Variants in ANK2 observed in about 807,000 individuals in gnomAD.
The protein encoded by ANK2 is ankyrin 2, also known as ankyrin-2.
ANK2 carries 83 observed loss-of-function variants against 360.5 expected under a neutral mutation model. The ratio of observed to expected loss-of-function variants is 0.23; its 90% CI spans 0.19 to 0.28. The LOEUF (loss-of-function observed/expected upper bound fraction) is 0.28. Ranked by LOEUF, ANK2 falls within the 10% of genes least tolerant of loss-of-function variation. The probability of loss-of-function intolerance (pLI) is 1.00; values close to 1 mark genes in which losing one functional copy is unlikely to be tolerated. For missense variants in ANK2, 4,201 were observed against 4,795.7 expected (o/e 0.88, Z 3.66); for synonymous variants, 1,740 against 1,759.5 (o/e 0.99, Z 0.28).
intron 2 of ANK2, among the ~76,000 whole-genome samples, chr4:112,989,620 G>A (rs1422453616): frequency 1.3e-5 from 2 of 152,148 alleles, no homozygotes; most frequent in Non-Finnish European, 2.9e-5. Flanking sequence ...TAAATTAATG[G>A]TTTCAGAAAA....
intron 9 of ANK2, among the ~76,000 whole-genome samples, chr4:113,245,405 G>A (rs762018946): frequency 6.6e-6 from 1 of 152,182 alleles, no homozygotes; most frequent in Non-Finnish European, 1.5e-5. Context: ...CCGAGATTGG[G>A]TAATTTATAA....
chr4:112,892,892 G>A (rs561754702), intron 1 of ANK2, among the ~76,000 whole-genome samples: 19 of 152,192 alleles, frequency 1.2e-4, no homozygotes, highest in Non-Finnish European at 2.6e-4. Context: ...TTCTTAAGCT[G>A]TTGCTTTTAG....
chr4:113,380,533 A>G (rs4834333), intron 45 of ANK2, among the ~76,000 whole-genome samples: 38,753 of 152,034 alleles, frequency 0.25, 7,711 homozygotes, highest in African/African-American at 0.56. Context: ...GTGGTGGCAC[A>G]CACCTGTAGT....
intron 1 of ANK2, among the ~76,000 whole-genome samples, chr4:113,155,396 C>T (rs1264960990): frequency 6.6e-6 from 1 of 152,076 alleles, no homozygotes; most frequent in Non-Finnish European, 1.5e-5. Flanking sequence ...GTTCTAAGTC[C>T]ATTTTATAAT....
At chr4:113,370,734 T>C (rs1163245157) in intron 43 of ANK2, among the ~76,000 whole-genome samples, 2 of 152,184 alleles carry the variant, frequency 1.3e-5, no homozygotes, top group Admixed American at 6.6e-5. Context: ...CACTCCAGCC[T>C]GGGCGACAGA....
rs1325651746 is a variant in ANK2, at chr4:113,355,091, A to C, written c.6473A>C (p.Glu2158Ala). ...DKYQQFRLSE[E>A]TEKAQLHLDQ... ...TACCAACAATTCCGCCTGAGTGAGG[A>C]GACAGAAAAGGCACAGCTTCACTTA... Residue 2158 changes from glutamate to alanine, a missense_variant, in exon 38 of 46, where the codon GAG becomes GCG. Coordinates refer to ENST00000357077, the MANE Select transcript of ANK2 (RefSeq NM_001148.6). The C allele has an allele frequency of 6.2e-7, 1 of 1,614,128 alleles. No homozygotes were observed.
intron 2 of ANK2, among the ~76,000 whole-genome samples, chr4:112,999,197 G>T (rs144694583): frequency 6.6e-6 from 1 of 151,954 alleles, no homozygotes; most frequent in African/African-American, 2.4e-5. Context: ...TAATTTCTTC[G>T]TGATTGAGAA....
At chr4:113,271,670 G>A (rs2058589650) in intron 14 of ANK2, among the ~76,000 whole-genome samples, 1 of 152,162 alleles carries the variant, frequency 6.6e-6, no homozygotes, top group Admixed American at 6.5e-5. Context: ...TATCTCATGG[G>A]TCTAAGTCAT....
At chr4:113,267,865 ATTC>A (rs1252645330) in intron 14 of ANK2, among the ~76,000 whole-genome samples, 1 of 152,112 alleles carries the variant, frequency 6.6e-6, no homozygotes, top group Non-Finnish European at 1.5e-5. Context: ...CACAATATTA[ATTC>A]TTCTTATCCA....
At chr4:112,746,374 G>T in the ANK2 span, among the ~76,000 whole-genome samples, 1 of 151,966 alleles carries the variant, frequency 6.6e-6, no homozygotes, top group Non-Finnish European at 1.5e-5. Flanking sequence ...TATCTTGGGG[G>T]TTAGAAAATC....
rs1251938818 is a variant in ANK2 at position 113,365,027 on chromosome 4, C to G, written c.10889-12C>G. 1 of 1,613,654 alleles carries G rather than the reference C, an allele frequency of 6.2e-7. No homozygotes were observed. The highest frequency in any genetic ancestry group is 8.5e-7 in the Non-Finnish European group (1 of 1,179,722). Reference sequence around the variant, plus strand: ...CTCAGACATAATAAATGCTGTTTCTCTAATGTGTCAGATACCAACCTCGTT... The same window carrying G: ...CTCAGACATAATAAATGCTGTTTCTGTAATGTGTCAGATACCAACCTCGTT... On this transcript the variant is annotated splice_polypyrimidine_tract_variant and intron_variant, in intron 40 of 45. Transcript: ENST00000357077.
chr4:112,941,137 A>T (rs2154246565), intron 2 of ANK2, among the ~76,000 whole-genome samples: 1 of 152,034 alleles, frequency 6.6e-6, no homozygotes, highest in South Asian at 2.1e-4. Context: ...ATATGGGTAG[A>T]AGAATAGTTA....
intron 2 of ANK2, among the ~76,000 whole-genome samples, chr4:113,187,101 G>T (rs181309838): frequency 2.8e-4 from 43 of 151,784 alleles, no homozygotes; most frequent in African/African-American, 9.9e-4. Context: ...AAAAAAGAAA[G>T]CTCTTTATGC....
chr4:113,033,975 A>T (rs986206283), intron 2 of ANK2: 1 of 151,982 alleles, frequency 6.6e-6, no homozygotes, highest in Non-Finnish European at 1.5e-5. Flanking sequence ...CAGTGGGTAG[A>T]TCTGCTCTTT....
At chr4:113,374,627 C>T in intron 45 of ANK2, 2 of 393,470 alleles carry the variant, frequency 5.1e-6, no homozygotes, top group Non-Finnish European at 7.3e-6. Context: ...TTTTCTAACT[C>T]TGCTTCCCAT....
chr4:113,247,775 A>G (rs534144321), intron 9 of ANK2, among the ~76,000 whole-genome samples: 1 of 152,290 alleles, frequency 6.6e-6, no homozygotes, highest in African/African-American at 2.4e-5. Flanking sequence ...CACACACTGA[A>G]CTGTTACATA....
At chr4:113,166,730 A>G (rs2097766798) in intron 1 of ANK2, among the ~76,000 whole-genome samples, 1 of 152,122 alleles carries the variant, frequency 6.6e-6, no homozygotes, top group African/African-American at 2.4e-5. Context: ...TTTTTAATGT[A>G]TAAAATTGTC....
At chr4:112,938,972 A>G (rs2093982496) in intron 2 of ANK2, among the ~76,000 whole-genome samples, 2 of 152,216 alleles carry the variant, frequency 1.3e-5, no homozygotes, top group Admixed American at 1.3e-4. Context: ...CTTATATTTA[A>G]AATAAAAAGA....
At chr4:113,132,807 A>G (rs2096136714) in intron 1 of ANK2, among the ~76,000 whole-genome samples, 1 of 152,198 alleles carries the variant, frequency 6.6e-6, no homozygotes, top group Non-Finnish European at 1.5e-5. Flanking sequence ...AGCCATCTAT[A>G]CTTGGGAATC....
Sources: gnomAD v4.1 joint callset for allele counts (sites outside exome capture counted in the v4.1 genomes callset) on GRCh38, gnomAD v4.1.1 for gene constraint, MANE v1.5 for transcripts, NCBI Gene and HGNC (gene_info 2026-07-23, HGNC 2026-07-21) for gene names.